Variants in ABLIM1 observed in about 807,000 individuals in gnomAD.
The protein encoded by ABLIM1 is actin binding LIM protein 1.
A neutral mutation model predicts 107.0 loss-of-function variants in ABLIM1; 40 were observed. The observed-to-expected ratio is 0.37, with a 90% CI of 0.29 to 0.49. The LOEUF is 0.49. ABLIM1 is among the 20% of genes least tolerant of loss of function. ABLIM1 has a pLI of 0.97. For synonymous variants in ABLIM1, 357 were observed against 357.3 expected, an observed-to-expected ratio of 1.00 and a Z score of 0.01; for missense variants, 857 against 1,008.5, an observed-to-expected ratio of 0.85 and a Z score of 2.04.
chr10:114,497,617 G>C (rs1272773550), intron 6 of ABLIM1, among the ~76,000 whole-genome samples: 5 of 138,868 alleles, frequency 3.6e-5, no homozygotes. Context: ...GGGAGGCGGA[G>C]CTTGCAGTAA....
rs761684956 is a variant in ABLIM1, at chr10:114,571,325, G to A, written c.645C>T (p.Ser215=). Residue 215 remains serine, a synonymous_variant, in exon 4 of 23, where the codon TCC becomes TCT. Transcript: ENST00000533213. The part of the protein sequence containing the change: ...LCQLCAQPMS[S]SPKETTFSSN... The stretch of plus-strand genomic sequence containing the variant: ...TGGAGAAGGTGGTTTCTTTCGGACT[G>A]GACGACATCGGCTGTGCACAGAGTT... The A allele has an allele frequency of 6.2e-7, 1 of 1,614,196 alleles. No homozygotes were observed. The highest frequency in any genetic ancestry group is 1.1e-5 in the South Asian group (1 of 91,074).
At chr10:114,641,196 T>C (rs1025861432) in intron 1 of ABLIM1, among the ~76,000 whole-genome samples, 1 of 150,222 alleles carries the variant, frequency 6.7e-6, no homozygotes, top group Non-Finnish European at 1.5e-5. Flanking sequence ...TCCTGATATT[T>C]TGTTATATGA....
chr10:114,599,954 G>T (rs1454630630), intron 2 of ABLIM1, among the ~76,000 whole-genome samples: 1 of 152,088 alleles, frequency 6.6e-6, no homozygotes, highest in Non-Finnish European at 1.5e-5. Flanking sequence ...CTCCAAGTTA[G>T]CTAAACTGGA....
intron 1 of ABLIM1, among the ~76,000 whole-genome samples, chr10:114,603,119 C>A (rs1391035124): frequency 2.0e-5 from 3 of 152,174 alleles, no homozygotes; most frequent in African/African-American, 4.8e-5. Context: ...AATCAACCAA[C>A]ACAAAGATGA....
At chr10:114,465,952 T>A in intron 11 of ABLIM1, 125 bp from the exon 12 acceptor site, 1 of 1,107,162 alleles carries the variant, frequency 9.0e-7, no homozygotes, top group Non-Finnish European at 1.3e-6. Flanking sequence ...TATGCACTTA[T>A]TTTTATGTGC....
chr10:114,644,306 A>AAAAAATATATATATAT (rs1408072252), intron 1 of ABLIM1, among the ~76,000 whole-genome samples: 1 of 52,254 alleles, frequency 1.9e-5, no homozygotes, highest in African/African-American at 9.2e-5. Flanking sequence ...AAAAAAAAAA[A>AAAAAATATATATATAT]ATATATATAT....
At chr10:114,654,738 G>T (rs979073707) in intron 1 of ABLIM1, among the ~76,000 whole-genome samples, 1 of 152,192 alleles carries the variant, frequency 6.6e-6, no homozygotes, top group Non-Finnish European at 1.5e-5. Context: ...GCTGGGGCCA[G>T]CAGTGCTGTC....
At chr10:114,679,915 C>G (rs1457370169) in intron 1 of ABLIM1, among the ~76,000 whole-genome samples, 10 of 152,138 alleles carry the variant, frequency 6.6e-5, no homozygotes. Context: ...AATAAAACAG[C>G]TAATAGTTGT....
At chr10:114,632,626 T>C in intron 1 of ABLIM1, 21 of 985,432 alleles carry the variant, frequency 2.1e-5, no homozygotes, top group Non-Finnish European at 2.5e-5. Flanking sequence ...AGGTAGAGAC[T>C]GAGAGACAGC....
intron 4 of ABLIM1, among the ~76,000 whole-genome samples, chr10:114,566,654 G>A (rs1161588178): frequency 6.6e-6 from 1 of 152,126 alleles, no homozygotes; most frequent in Non-Finnish European, 1.5e-5. Context: ...AATGTTTATT[G>A]CTTATTGGAT....
At chr10:114,462,484 C>T (rs2064149411) in intron 12 of ABLIM1, among the ~76,000 whole-genome samples, 2 of 152,146 alleles carry the variant, frequency 1.3e-5, no homozygotes, top group Non-Finnish European at 2.9e-5. Context: ...GAAGGCAAAG[C>T]CTCTCTTCTG....
Position 114,473,904 on chromosome 10 carries a change from G to C in ABLIM1, c.1094C>G (p.Pro365Arg), listed in dbSNP as rs998222697. 6.2e-7 allele frequency: 1 copy of C among 1,613,662 alleles called. No individual in the cohort carries two copies. The highest frequency in any genetic ancestry group is 8.5e-7 in the Non-Finnish European group (1 of 1,179,636). ...ATAGATAGTATGACCTGGTGAGCCA[G>C]GAATACTGGAGCCTGGCCTAGAATA... Reference protein sequence around the residue: ...SIYSRPGSSIPGSPGHTIYAK... With the variant: ...SIYSRPGSSIRGSPGHTIYAK... Residue 365 changes from proline (P) to arginine (R), a missense_variant, in exon 9 of 23, where the codon CCT becomes CGT. Physicochemically the swap from Pro to Arg is moderately radical, Grantham distance 103. This residue lies in a region of ABLIM1 where 381 missense variants were observed against 506.9 expected (regional missense o/e 0.75). Transcript: ENST00000533213.
chr10:114,651,759 T>G (rs1022003045), intron 1 of ABLIM1, among the ~76,000 whole-genome samples: 3 of 152,178 alleles, frequency 2.0e-5, no homozygotes, highest in Admixed American at 2.0e-4. Context: ...ATTCATGCCC[T>G]TGCAAGATGT....
At chr10:114,584,793 G>A (rs1016795897) in intron 2 of ABLIM1, among the ~76,000 whole-genome samples, 2 of 152,152 alleles carry the variant, frequency 1.3e-5, no homozygotes, top group African/African-American at 4.8e-5. Context: ...GCATTTGAGA[G>A]TTTGTATTTA....
intron 1 of ABLIM1, among the ~76,000 whole-genome samples, chr10:114,640,151 T>C (rs887254159): frequency 1.3e-5 from 2 of 152,232 alleles, no homozygotes; most frequent in African/African-American, 4.8e-5. Flanking sequence ...TAGCGCTGTC[T>C]TCCTTTTAGC....
At chr10:114,511,512 T>G (rs1290008596) in intron 6 of ABLIM1, among the ~76,000 whole-genome samples, 1 of 151,768 alleles carries the variant, frequency 6.6e-6, no homozygotes, top group African/African-American at 2.4e-5. Flanking sequence ...ACTACAGGCA[T>G]GCACCACCAC....
the ABLIM1 span, among the ~76,000 whole-genome samples, chr10:114,791,775 G>A: frequency 1.3e-5 from 2 of 152,110 alleles, no homozygotes; most frequent in South Asian, 4.1e-4. Flanking sequence ...CAGAATACAT[G>A]AAGACCCCAA....
intron 6 of ABLIM1, among the ~76,000 whole-genome samples, chr10:114,524,287 C>T (rs555157299): frequency 6.6e-6 from 1 of 152,072 alleles, no homozygotes; most frequent in African/African-American, 2.4e-5. Flanking sequence ...AATCTGTAAA[C>T]CTTTGAGAGC....
In ABLIM1 at chr10:114,658,106, G is replaced by C. The variant is rs747877624; in HGVS notation, c.95C>G (p.Ser32Trp). The C allele has an allele frequency of 3.7e-6, 6 of 1,614,144 alleles. No homozygotes were observed. The highest frequency in any genetic ancestry group is 4.2e-6 in the Non-Finnish European group (5 of 1,180,020). The change falls in exon 1 of 23, where the codon TCG (serine) becomes TGG (tryptophan). Residue 32 changes from serine to tryptophan, a missense_variant. This residue lies in a region of ABLIM1 where 176 missense variants were observed against 173.5 expected (regional missense o/e 1.01). Coordinates refer to ENST00000533213, the MANE Select transcript of ABLIM1 (RefSeq NM_002313.7). ...CTCAACAATCAGTCTCTTTCTGTTCGAGCCCCTGGCACTGGTTCTCTCAGA... is the reference window on the plus strand; with the variant it reads ...CTCAACAATCAGTCTCTTTCTGTTCCAGCCCCTGGCACTGGTTCTCTCAGA... ...TSSERTSARG[S>W]NRKRLIVEDR...
Sources: gnomAD v4.1 joint callset for allele counts (sites outside exome capture counted in the v4.1 genomes callset) on GRCh38, gnomAD v4.1.1 for gene constraint, gnomAD v4.1.1 regional missense constraint, MANE v1.5 for transcripts, NCBI Gene and HGNC (gene_info 2026-07-23, HGNC 2026-07-21) for gene names.